DLC1: variants seen among roughly 807,000 people sequenced by gnomAD.
The protein encoded by DLC1 is DLC1 Rho GTPase activating protein, also known as rho GTPase-activating protein 7.
A neutral mutation model predicts 140.3 loss-of-function variants in DLC1; 54 were observed. The ratio of observed to expected loss-of-function variants is 0.38; its 90% confidence interval spans 0.31 to 0.48. The LOEUF is 0.48. DLC1 is among the 20% of genes least tolerant of loss of function. The pLI is 0.96. For synonymous variants in DLC1, 986 were observed against 728.1 expected, an observed-to-expected ratio of 1.35 and a Z score of -5.70; for missense variants, 2,536 against 1,907.0, an observed-to-expected ratio of 1.33 and a Z score of -6.14.
At chr8:13,551,938 T>C (rs1313390960) in intron 1 of DLC1, among the ~76,000 whole-genome samples, 1 of 143,596 alleles carries the variant, frequency 7.0e-6, no homozygotes, top group Non-Finnish European at 1.5e-5. Flanking sequence ...TATATAGGTA[T>C]ATATATGTAC....
chr8:13,455,366 C>A (rs1334789754), intron 2 of DLC1, among the ~76,000 whole-genome samples: 3 of 152,102 alleles, frequency 2.0e-5, no homozygotes, highest in Admixed American at 1.3e-4. Context: ...CTCCAAGTGT[C>A]CCATGACATT....
chr8:13,327,367 A>C (rs873047), intron 4 of DLC1, among the ~76,000 whole-genome samples: 126,959 of 152,022 alleles, frequency 0.84, 53,838 homozygotes, highest in East Asian at 0.95. Context: ...ATTCAGATAG[A>C]AATTGCTGGA....
chr8:13,405,390 A>G (rs939005731), intron 2 of DLC1, among the ~76,000 whole-genome samples: 3 of 152,228 alleles, frequency 2.0e-5, no homozygotes, highest in Admixed American at 2.0e-4. Context: ...TGACATTTAT[A>G]CTTAAGTCAA....
In DLC1 at chr8:13,359,554, A is replaced by G. The variant is rs570587447; in HGVS notation, c.1314+33999T>C. ...GGTTTAGCAAAGTACAGCTCAATCTAAACGATGCATTGGAAAGGAAACTCC... is the reference window on the plus strand; with the variant it reads ...GGTTTAGCAAAGTACAGCTCAATCTGAACGATGCATTGGAAAGGAAACTCC... On this transcript the variant is annotated intron_variant, in intron 4 of 17. Transcript: ENST00000276297. Among the ~76,000 whole-genome samples, 4 of 152,304 alleles carry G rather than the reference A, an allele frequency of 2.6e-5. No individual in the cohort carries two copies. The East Asian group carries it at 7.7e-4, about 29-fold the overall frequency.
At chr8:13,135,646 A>T (rs1822515202) in intron 5 of DLC1, among the ~76,000 whole-genome samples, 1 of 152,164 alleles carries the variant, frequency 6.6e-6, no homozygotes, top group South Asian at 2.1e-4. Context: ...ATATATTCTA[A>T]ATATCTCCCC....
intron 6 of DLC1, among the ~76,000 whole-genome samples, chr8:13,111,261 G>A (rs567011878): frequency 6.6e-6 from 1 of 152,254 alleles, no homozygotes; most frequent in East Asian, 1.9e-4. Context: ...GCCACAGAAA[G>A]ATCTAGAGAA....
chr8:13,486,656 C>T (rs532160025), intron 2 of DLC1, among the ~76,000 whole-genome samples: 1 of 152,244 alleles, frequency 6.6e-6, no homozygotes, highest in Admixed American at 6.5e-5. Context: ...TTTTTTCCAG[C>T]TGAAACATTC....
At chr8:13,297,282 T>TAAAAAAAAAAAAAAAAAAAAAAACAA (rs60048506) in intron 5 of DLC1, among the ~76,000 whole-genome samples, 1 of 9,638 alleles carries the variant, frequency 1.0e-4, no homozygotes, top group Non-Finnish European at 1.8e-4. Context: ...CTTCATACAT[T>TAAAAAAAAAAAAAAAAAAAAAAACAA]AAAAAAAAAA....
intron 1 of DLC1, among the ~76,000 whole-genome samples, chr8:13,557,310 C>T (rs1235683884): frequency 3.3e-5 from 5 of 152,046 alleles, no homozygotes. Flanking sequence ...ACATGGAACA[C>T]GTGAGGGCCA....
intron 5 of DLC1, chr8:13,132,957 G>A: frequency 6.2e-7 from 1 of 1,610,770 alleles, no homozygotes; most frequent in Non-Finnish European, 8.5e-7. Context: ...TTAGGATCAT[G>A]GTGTCCGGCT....
chr8:13,388,687 T>TTG (rs2117193690), intron 4 of DLC1, among the ~76,000 whole-genome samples: 1 of 152,102 alleles, frequency 6.6e-6, no homozygotes, highest in Admixed American at 6.6e-5. Flanking sequence ...TGTGAATATA[T>TTG]GTACACACAC....
chr8:13,497,010 C>T (rs958420794), intron 2 of DLC1, among the ~76,000 whole-genome samples: 4 of 151,746 alleles, frequency 2.6e-5, no homozygotes, highest in Admixed American at 1.3e-4. Context: ...CCATGTTAGC[C>T]GGGATGGTCT....
intron 5 of DLC1, among the ~76,000 whole-genome samples, chr8:13,170,897 C>G (rs1825430868): frequency 6.6e-6 from 1 of 152,056 alleles, no homozygotes; most frequent in African/African-American, 2.4e-5. Flanking sequence ...GGGTAGTTAG[C>G]CTAAAGGTCT....
chr8:13,406,726 A>G (rs1433476070), intron 2 of DLC1, among the ~76,000 whole-genome samples: 1 of 152,022 alleles, frequency 6.6e-6, no homozygotes, highest in Non-Finnish European at 1.5e-5. Flanking sequence ...TAAATATATT[A>G]CTCTATGTGT....
Position 13,554,346 on chromosome 8 carries a change from G to A in DLC1, c.-126+50191C>T, listed in dbSNP as rs180795086. Among the ~76,000 whole-genome samples, 27 of 152,196 alleles carry A rather than the reference G, an allele frequency of 1.8e-4. No homozygotes were observed. In the South Asian group the frequency reaches 3.3e-3, roughly 19 times the overall value. On this transcript the variant is annotated intron_variant, in intron 1 of 1. Transcript: ENST00000631382. ...CTCCCAAAATGCTGGGATTACGCGC[G>A]TGAGCCACTGCATCTGGCTATATGC...
intron 5 of DLC1, among the ~76,000 whole-genome samples, chr8:13,232,548 G>A (rs1185062979): frequency 6.6e-6 from 1 of 152,088 alleles, no homozygotes; most frequent in Admixed American, 6.6e-5. Context: ...GGCCAGGATG[G>A]TCTCGATCTC....
intron 5 of DLC1, among the ~76,000 whole-genome samples, chr8:13,157,795 A>G (rs545160559): frequency 1.3e-5 from 2 of 152,298 alleles, no homozygotes; most frequent in East Asian, 3.9e-4. Context: ...TTTTTATTAC[A>G]CTTGGAATCA....
chr8:13,319,484 G>A (rs1031694952), intron 4 of DLC1, among the ~76,000 whole-genome samples: 1 of 110,966 alleles, frequency 9.0e-6, no homozygotes, highest in Non-Finnish European at 1.9e-5. Flanking sequence ...CGGGGGGGGG[G>A]GGTGGATTTC....
At chr8:13,112,535 G>C (rs1585658833) in intron 6 of DLC1, among the ~76,000 whole-genome samples, 1 of 152,086 alleles carries the variant, frequency 6.6e-6, no homozygotes, top group African/African-American at 2.4e-5. Flanking sequence ...ATCACAGAAT[G>C]ACATTTCTTC....
Sources: gnomAD v4.1 joint callset for allele counts (sites outside exome capture counted in the v4.1 genomes callset) on GRCh38, gnomAD v4.1.1 for gene constraint, MANE v1.5 for transcripts, NCBI Gene and HGNC (gene_info 2026-07-23, HGNC 2026-07-21) for gene names.